The following TMEFF2 variants were observed in gnomAD, a reference collection of about 807,000 sequenced individuals.
TMEFF2 encodes tomoregulin-2.
TMEFF2 carries 28 observed loss-of-function variants against 53.8 expected under a neutral mutation model. That is an observed-to-expected ratio of 0.52 (90% CI 0.39 to 0.71). The LOEUF is 0.71. Among genes scored for constraint, TMEFF2 ranks in the 30% least tolerant of loss-of-function variants. The pLI is 0.00. For missense variants in TMEFF2, 353 were observed against 455.2 expected (o/e 0.78, Z 2.04); for synonymous variants, 162 against 166.3 (o/e 0.97, Z 0.20).
chr2:192,159,838 G>A (rs1690590862), intron 4 of TMEFF2, among the ~76,000 whole-genome samples: 1 of 152,100 alleles, frequency 6.6e-6, no homozygotes, highest in Non-Finnish European at 1.5e-5. Context: ...TACACAAAAT[G>A]TTGATCAAGA....
At chr2:191,952,437 G>C (rs183593172) in intron 9 of TMEFF2, among the ~76,000 whole-genome samples, 1 of 152,240 alleles carries the variant, frequency 6.6e-6, no homozygotes, top group African/African-American at 2.4e-5. Context: ...CTAGATATTA[G>C]AGTAATATGG....
intron 7 of TMEFF2, among the ~76,000 whole-genome samples, chr2:191,965,843 C>T (rs2105798707): frequency 6.6e-6 from 1 of 152,246 alleles, no homozygotes; most frequent in African/African-American, 2.4e-5. Flanking sequence ...CTTCTGTCTC[C>T]TCAGTCTGGG....
chr2:192,037,626 GGAGAGAAAGA>G lies in TMEFF2; in HGVS notation c.536+20043_536+20052del, dbSNP rs1183049233. 3.8e-3 allele frequency among the ~76,000 whole-genome samples: 284 copies of G among 74,996 alleles called. 1 individual carries two copies. Among genetic ancestry groups the G allele is most frequent in the African/African-American group, 0.011 (270 of 24,870 alleles). The allele number at this position is 74,996 out of a possible 152,430, so 49.2% of individuals were successfully genotyped here. A position where few individuals can be genotyped will look rare whatever the true frequency, so the allele number is the denominator to read the frequency against. ...CGTGTGTGAGAGAGAAAGAGAGAGA[GGAGAGAAAGA>G]GAGAGAAAGAGAGAGAGAGAGAGAG... On this transcript the variant is annotated intron_variant, in intron 5 of 9. Coordinates refer to ENST00000272771, the MANE Select transcript of TMEFF2 (RefSeq NM_016192.4).
At chr2:192,032,278 A>G (rs1055173910) in intron 5 of TMEFF2, 1 of 151,630 alleles carries the variant, frequency 6.6e-6, no homozygotes, top group African/African-American at 2.4e-5. Flanking sequence ...CATTTAAAAC[A>G]GACTCAGCCT....
intron 4 of TMEFF2, chr2:192,176,746 T>C (rs922911096): frequency 4.6e-5 from 7 of 151,250 alleles, no homozygotes; most frequent in African/African-American, 1.7e-4. Context: ...AGACATACCC[T>C]TGTGCAAATG....
intron 4 of TMEFF2, among the ~76,000 whole-genome samples, chr2:192,087,351 A>G (rs1688690748): frequency 6.6e-6 from 1 of 152,138 alleles, no homozygotes; most frequent in Non-Finnish European, 1.5e-5. Context: ...AGGGAAGACA[A>G]CATTCAGCTT....
chr2:192,041,960 A>AGCACTT (rs1487390289), intron 5 of TMEFF2, among the ~76,000 whole-genome samples: 96 of 152,204 alleles, frequency 6.3e-4, no homozygotes, highest in African/African-American at 2.2e-3. Context: ...CTGTAATCCC[A>AGCACTT]TGGGCTGGGG....
At chr2:192,172,724 T>C (rs1358095480) in intron 4 of TMEFF2, among the ~76,000 whole-genome samples, 4 of 151,852 alleles carry the variant, frequency 2.6e-5, no homozygotes, top group African/African-American at 9.7e-5. Flanking sequence ...GAACAGATGA[T>C]TTCAGAATCA....
rs150837693 is a variant in TMEFF2, at chr2:192,123,712, C to G, written c.439+55956G>C. On this transcript the variant is annotated intron_variant, in intron 4 of 9. Coordinates refer to ENST00000272771, the MANE Select transcript of TMEFF2 (RefSeq NM_016192.4). ...CAACTAAAACTTACTCTGTTAAAAT[C>G]AATATTCTTGTTTATAAATTAGTCC... Among the ~76,000 whole-genome samples, 268 of 152,244 alleles carry G rather than the reference C, an allele frequency of 1.8e-3. 2 individuals are homozygous for G. The highest frequency in any genetic ancestry group is 0.011 in the South Asian group (55 of 4,820).
chr2:191,954,457 T>A (rs142279876), intron 8 of TMEFF2, among the ~76,000 whole-genome samples: 2 of 152,240 alleles, frequency 1.3e-5, no homozygotes, highest in African/African-American at 4.8e-5. Context: ...GTTATTTCTA[T>A]ATTTTCTGGA....
chr2:191,951,121 T>TAC (rs1553506316), intron 9 of TMEFF2, among the ~76,000 whole-genome samples: 1 of 152,032 alleles, frequency 6.6e-6, no homozygotes, highest in Admixed American at 6.6e-5. Flanking sequence ...TGAATATACA[T>TAC]ACACATATAT....
intron 5 of TMEFF2, among the ~76,000 whole-genome samples, chr2:192,026,056 C>T (rs1686963832): frequency 6.6e-6 from 1 of 152,138 alleles, no homozygotes; most frequent in African/African-American, 2.4e-5. Flanking sequence ...CAATTCATTG[C>T]TTGTGAACTC....
chr2:192,193,294 C>T (rs1691506767), intron 1 of TMEFF2, among the ~76,000 whole-genome samples: 1 of 152,154 alleles, frequency 6.6e-6, no homozygotes, highest in African/African-American at 2.4e-5. Context: ...GGCATGTTAA[C>T]GGAGTTTAAA....
At chr2:192,116,634 CA>C (rs539592887) in intron 4 of TMEFF2, among the ~76,000 whole-genome samples, 264 of 152,080 alleles carry the variant, frequency 1.7e-3, no homozygotes, top group African/African-American at 5.4e-3. Flanking sequence ...AAGTTGTTAA[CA>C]ATCTGAAAAG....
At chr2:192,041,446 T>C (rs935317317) in intron 5 of TMEFF2, among the ~76,000 whole-genome samples, 1 of 152,034 alleles carries the variant, frequency 6.6e-6, no homozygotes, top group African/African-American at 2.4e-5. Context: ...ATAGTAATAA[T>C]CAAAAAGACA....
At chr2:192,083,766 C>T (rs947816639) in intron 4 of TMEFF2, among the ~76,000 whole-genome samples, 4 of 151,180 alleles carry the variant, frequency 2.6e-5, no homozygotes, top group African/African-American at 9.7e-5. Flanking sequence ...TTTCAAATTC[C>T]AGACTTTGTT....
intron 5 of TMEFF2, among the ~76,000 whole-genome samples, chr2:192,010,195 A>G (rs1006237739): frequency 3.3e-5 from 5 of 152,186 alleles, no homozygotes; most frequent in Admixed American, 6.5e-5. Context: ...GTTAAACTCA[A>G]AAACACATGG....
At chr2:192,004,598 TAGTG>T (rs1269469709) in intron 5 of TMEFF2, among the ~76,000 whole-genome samples, 1 of 152,054 alleles carries the variant, frequency 6.6e-6, no homozygotes, top group Non-Finnish European at 1.5e-5. Flanking sequence ...CTGGGCAAAA[TAGTG>T]AGACCCCGTC....
chr2:192,147,972 T>C (rs895171734), intron 4 of TMEFF2, among the ~76,000 whole-genome samples: 1 of 152,058 alleles, frequency 6.6e-6, no homozygotes, highest in Admixed American at 6.6e-5. Flanking sequence ...AATAAACTCA[T>C]AAAAATTCAT....
Sources: allele counts gnomAD v4.1 joint callset (sites outside exome capture counted in the v4.1 genomes callset), GRCh38; gene constraint gnomAD v4.1.1; transcripts MANE v1.5; gene names NCBI Gene and HGNC (gene_info 2026-07-23, HGNC 2026-07-21).